PCSK6: variants seen among roughly 807,000 people sequenced by gnomAD.
PCSK6 encodes paired basic amino acid cleaving enzyme 4.
A neutral mutation model predicts 123.3 loss-of-function variants in PCSK6; 85 were observed. That is an observed-to-expected ratio of 0.69 (90% CI 0.58 to 0.83). The LOEUF is 0.83. Among genes scored for constraint, PCSK6 ranks in the 40% least tolerant of loss-of-function variants. PCSK6 has a pLI of 0.00. For synonymous variants in PCSK6, 508 were observed against 516.0 expected (o/e 0.98, Z 0.21); for missense variants, 1,191 against 1,282.3 (o/e 0.93, Z 1.09).
chr15:101,318,452 A>G, intron 18 of PCSK6, 30 bp from the exon 19 acceptor site: 13 of 1,520,336 alleles, frequency 8.6e-6, no homozygotes, highest in Non-Finnish European at 1.2e-5. Flanking sequence ...AGATTTCCAC[A>G]TCCATTCCAA....
intron 9 of PCSK6, among the ~76,000 whole-genome samples, chr15:101,388,648 C>T (rs1331395490): frequency 6.6e-6 from 1 of 152,156 alleles, no homozygotes; most frequent in Non-Finnish European, 1.5e-5. Context: ...GCCCCTGTGT[C>T]CTACAAAGGG....
chr15:101,313,079 A>G (rs1004966076), intron 20 of PCSK6: 3 of 1,329,912 alleles, frequency 2.3e-6, no homozygotes, highest in Non-Finnish European at 2.9e-6. Context: ...GCTGAGCGCG[A>G]CATGGGCAGG....
chr15:101,483,708 G>C (rs1271382596), intron 1 of PCSK6, among the ~76,000 whole-genome samples: 2 of 152,264 alleles, frequency 1.3e-5, no homozygotes, highest in African/African-American at 4.8e-5. Flanking sequence ...ACACAGGTTA[G>C]AGCGAGGGTG....
intron 6 of PCSK6, among the ~76,000 whole-genome samples, chr15:101,399,836 G>A (rs1276032899): frequency 6.6e-6 from 1 of 152,040 alleles, no homozygotes. Context: ...AGGCCCCCGG[G>A]AGCCCCTCAC....
At chr15:101,384,498 G>GGGGTC (rs1303937899) in intron 9 of PCSK6, 73 bp from the exon 10 acceptor site, 1 of 1,314,758 alleles carries the variant, frequency 7.6e-7, no homozygotes, top group African/African-American at 1.4e-5. Flanking sequence ...TCAGAGGCAG[G>GGGGTC]GGGTCGGCAG....
At chr15:101,340,549 C>T (rs1048274860) in intron 13 of PCSK6, among the ~76,000 whole-genome samples, 2 of 152,232 alleles carry the variant, frequency 1.3e-5, no homozygotes, top group African/African-American at 4.8e-5. Flanking sequence ...AGTCCTCCTT[C>T]ACTCCATTCT....
At position 101,451,235 on chromosome 15, in the gene PCSK6, A is replaced by G. The variant is rs547845815; in HGVS notation, c.298-7575T>C. Among the ~76,000 whole-genome samples, 7 of 152,020 alleles carry G rather than the reference A, an allele frequency of 4.6e-5. No individual in the cohort carries two copies. In the South Asian group the frequency reaches 1.5e-3, roughly 32 times the overall value. On this transcript the variant is annotated intron_variant, in intron 1 of 21. Coordinates refer to ENST00000611716, the MANE Select transcript of PCSK6 (RefSeq NM_002570.5). ...AAGCCCAATCTACTTTACATGTTTA[A>G]TTTGCAGCAAAGTCACCGAGAAGCA...
At chr15:101,465,017 C>T (rs2057425030) in intron 1 of PCSK6, among the ~76,000 whole-genome samples, 1 of 152,174 alleles carries the variant, frequency 6.6e-6, no homozygotes, top group Non-Finnish European at 1.5e-5. Flanking sequence ...AAAAAGAGGG[C>T]AAGCCTGATC....
intron 20 of PCSK6, among the ~76,000 whole-genome samples, chr15:101,311,151 G>A (rs563544602): frequency 2.0e-5 from 3 of 151,908 alleles, no homozygotes; most frequent in East Asian, 1.9e-4. Flanking sequence ...TTGCTCTGTC[G>A]CTCATGCTGG....
chr15:101,402,386 A>C (rs1956400138), intron 6 of PCSK6, among the ~76,000 whole-genome samples: 1 of 151,094 alleles, frequency 6.6e-6, no homozygotes, highest in Non-Finnish European at 1.5e-5. Flanking sequence ...TAAAACACCA[A>C]AAGCAATGGC....
At chr15:101,401,626 C>T (rs556747043) in intron 6 of PCSK6, among the ~76,000 whole-genome samples, 12 of 152,312 alleles carry the variant, frequency 7.9e-5, no homozygotes, top group African/African-American at 2.9e-4. Flanking sequence ...GAAGTTCTCC[C>T]GTCTCGCTGA....
At chr15:101,435,514 G>A (rs1029189963) in intron 2 of PCSK6, among the ~76,000 whole-genome samples, 3 of 152,170 alleles carry the variant, frequency 2.0e-5, no homozygotes, top group South Asian at 4.1e-4. Context: ...TTTCTTTAAC[G>A]TCATACTTTG....
At chr15:101,335,524 T>A (rs558516548) in intron 13 of PCSK6, among the ~76,000 whole-genome samples, 4 of 152,348 alleles carry the variant, frequency 2.6e-5, no homozygotes, top group East Asian at 3.9e-4. Flanking sequence ...TTCTTGTGTA[T>A]CATTTCTGAA....
intron 20 of PCSK6, chr15:101,312,997 T>G (rs1432708727): frequency 1.7e-6 from 2 of 1,157,846 alleles, no homozygotes; most frequent in African/African-American, 3.2e-5. Flanking sequence ...AGAGTGAGAG[T>G]GTGTCTCCAA....
At chr15:101,353,813 G>C (rs2040964643) in intron 13 of PCSK6, among the ~76,000 whole-genome samples, 1 of 152,174 alleles carries the variant, frequency 6.6e-6, no homozygotes, top group African/African-American at 2.4e-5. Flanking sequence ...CCCTGAGCTT[G>C]GAAGACGGCC....
At chr15:101,379,975 T>A (rs1238337302) in intron 11 of PCSK6, among the ~76,000 whole-genome samples, 1 of 152,126 alleles carries the variant, frequency 6.6e-6, no homozygotes, top group African/African-American at 2.4e-5. Context: ...ACAACCACGT[T>A]ACAGAGTTAA....
intron 13 of PCSK6, among the ~76,000 whole-genome samples, chr15:101,361,687 A>T (rs1220006299): frequency 6.6e-6 from 1 of 152,156 alleles, no homozygotes; most frequent in African/African-American, 2.4e-5. Flanking sequence ...TTGCTCTAAG[A>T]GCTGTGGGAG....
intron 11 of PCSK6, among the ~76,000 whole-genome samples, chr15:101,380,170 C>T (rs1470902061): frequency 2.0e-5 from 3 of 152,150 alleles, no homozygotes; most frequent in East Asian, 1.9e-4. Context: ...CTGTATGTGA[C>T]GGCGGGCTCC....
At chr15:101,443,199 A>C (rs1396105752) in intron 2 of PCSK6, among the ~76,000 whole-genome samples, 1 of 152,240 alleles carries the variant, frequency 6.6e-6, no homozygotes, top group Non-Finnish European at 1.5e-5. Context: ...TTTCAAATTC[A>C]TAGTAACCAT....
Sources: allele counts gnomAD v4.1 joint callset (sites outside exome capture counted in the v4.1 genomes callset), GRCh38; gene constraint gnomAD v4.1.1; transcripts MANE v1.5; gene names NCBI Gene and HGNC (gene_info 2026-07-23, HGNC 2026-07-21).